Variants in RNF216 observed in about 807,000 individuals in gnomAD.
The protein encoded by RNF216 is E3 ubiquitin-protein ligase RNF216.
RNF216 carries 72 observed loss-of-function variants against 110.8 expected under a neutral mutation model. The observed-to-expected ratio is 0.65, with a 90% CI of 0.54 to 0.79. The LOEUF (loss-of-function observed/expected upper bound fraction) is 0.79. Among genes scored for constraint, RNF216 ranks in the 30% least tolerant of loss-of-function variants. The probability of loss-of-function intolerance (pLI) is 0.00; values close to 1 mark genes in which losing one functional copy is unlikely to be tolerated. For missense variants in RNF216, 1,342 were observed against 1,141.2 expected (o/e 1.18, Z -2.54); for synonymous variants, 495 against 407.5 (o/e 1.21, Z -2.59).
chr7:5,776,438 C>G (rs1292361980), intron 1 of RNF216, among the ~76,000 whole-genome samples: 3 of 147,460 alleles, frequency 2.0e-5, no homozygotes, highest in African/African-American at 7.5e-5. Context: ...AAAAAAAGCA[C>G]AAAAAAATTA....
chr7:5,781,341 C>T (rs1293400183), intron 1 of RNF216, among the ~76,000 whole-genome samples, 200 bp downstream of exon 1: 1 of 152,040 alleles, frequency 6.6e-6, no homozygotes, highest in Non-Finnish European at 1.5e-5. Context: ...GCCTCGCCAC[C>T]GCACCGGGCT....
intron 13 of RNF216, among the ~76,000 whole-genome samples, chr7:5,707,860 C>T (rs945839992): frequency 2.6e-5 from 4 of 151,714 alleles, no homozygotes; most frequent in Non-Finnish European, 4.4e-5. Context: ...CAAGTAGCTG[C>T]GATTACAGGC....
rs532161998 is a variant in RNF216 at position 5,733,927 on chromosome 7, T to G, written c.1122-3110A>C. Among the ~76,000 whole-genome samples the G allele has an allele frequency of 9.8e-5, 15 of 152,356 alleles. No homozygotes were observed. In the South Asian group the frequency reaches 3.1e-3, roughly 32 times the overall value. The stretch of plus-strand genomic sequence containing the variant: ...CAAGAAAGTTTTCATTGTAAAAATG[T>G]AGTCATTGCTGCTCAATTTTCCTAT... On this transcript the variant is annotated intron_variant, in intron 5 of 16. Transcript: ENST00000389902.
At chr7:5,765,952 C>CA (rs138328361) in intron 1 of RNF216, among the ~76,000 whole-genome samples, 15,003 of 102,262 alleles carry the variant, frequency 0.15, 1,437 homozygotes, top group African/African-American at 0.24. Context: ...GACTCTGTCT[C>CA]AAAAAAAAAA....
chr7:5,703,925 C>T (rs1792125792), intron 13 of RNF216, among the ~76,000 whole-genome samples: 1 of 152,202 alleles, frequency 6.6e-6, no homozygotes, highest in South Asian at 2.1e-4. Context: ...AACTTCTGAC[C>T]CTAAGAATAC....
rs758469380 is a variant in RNF216, at chr7:5,741,218, G to A, written c.799C>T (p.His267Tyr). The A allele has an allele frequency of 6.2e-7, 1 of 1,614,156 alleles. No individual in the cohort carries two copies. Among genetic ancestry groups the A allele is most frequent in the South Asian group, 1.1e-5 (1 of 91,080 alleles). ...EAELGRLLFQHEFPGPAFPRP... is the reference protein window; with the variant it reads ...EAELGRLLFQYEFPGPAFPRP... ...GGAAAAGCGGGCCCTGGGAATTCAT[G>A]CTGAAACAACAAGCGGCCCAGTTCT... The change falls in exon 4 of 17, where the codon CAT (histidine) becomes TAT (tyrosine). Residue 267 changes from histidine to tyrosine, a missense_variant. Physicochemically the swap from His to Tyr is moderately conservative, Grantham distance 83. Coordinates refer to ENST00000389902, the MANE Select transcript of RNF216 (RefSeq NM_207111.4).
Position 5,721,167 on chromosome 7 carries a change from T to C in RNF216, c.1510A>G (p.Ile504Val). 3 of 1,613,990 alleles carry C rather than the reference T, an allele frequency of 1.9e-6. No individual in the cohort carries two copies. The highest frequency in any genetic ancestry group is 4.5e-5 in the East Asian group (2 of 44,884). ...YIDFKFEQGD[I>V]KIEKRMFFLE... The stretch of plus-strand genomic sequence containing the variant: ...AAGAACATCCTCTTTTCTATTTTTA[T>C]GTCACCTAGAAGATATACGACAATG... The change falls in exon 9 of 17, where the codon ATA becomes GTA. Residue 504 changes from isoleucine to valine, a missense_variant. By Grantham distance (29) the Ile-to-Val change is conservative (BLOSUM62 3). Coordinates refer to ENST00000389902, the MANE Select transcript of RNF216 (RefSeq NM_207111.4).
intron 13 of RNF216, among the ~76,000 whole-genome samples, chr7:5,684,055 CTG>C (rs1790821489): frequency 7.0e-6 from 1 of 142,468 alleles, no homozygotes; most frequent in African/African-American, 2.6e-5. Flanking sequence ...AGGTACTGGT[CTG>C]TGATGGTGGG....
chr7:5,705,541 A>C (rs1792224254), intron 13 of RNF216, among the ~76,000 whole-genome samples: 2 of 152,186 alleles, frequency 1.3e-5, no homozygotes, highest in Admixed American at 1.3e-4. Flanking sequence ...CAGTAGTTCA[A>C]AACAGACTTT....
At chr7:5,766,757 C>A (rs1255742230) in intron 1 of RNF216, 1 of 152,188 alleles carries the variant, frequency 6.6e-6, no homozygotes, top group Non-Finnish European at 1.5e-5. Context: ...ACATATAGCA[C>A]AGAAAATAAT....
At chr7:5,752,434 C>G (rs553993955) in intron 3 of RNF216, among the ~76,000 whole-genome samples, 78 of 151,944 alleles carry the variant, frequency 5.1e-4, no homozygotes, top group Non-Finnish European at 9.3e-4. Context: ...TTTTGGATTA[C>G]GCAAACTGAT....
At chr7:5,697,362 A>G (rs746830827) in intron 13 of RNF216, among the ~76,000 whole-genome samples, 3 of 152,174 alleles carry the variant, frequency 2.0e-5, no homozygotes, top group African/African-American at 4.8e-5. Context: ...TGCTCAATAC[A>G]TATCTGCTGA....
chr7:5,638,545 C>T (rs1584354417), intron 15 of RNF216, among the ~76,000 whole-genome samples: 1 of 152,216 alleles, frequency 6.6e-6, no homozygotes, highest in Non-Finnish European at 1.5e-5. Context: ...TACCAGCAGC[C>T]AGGTACTATT....
chr7:5,747,898 C>A (rs1442529612), intron 3 of RNF216, among the ~76,000 whole-genome samples: 1 of 152,018 alleles, frequency 6.6e-6, no homozygotes, highest in African/African-American at 2.4e-5. Context: ...CCTGCTAGGC[C>A]TCTCAAAGGA....
rs146096829 is a variant in RNF216 at position 5,745,736 on chromosome 7, C to T, written c.202-3921G>A. Among the ~76,000 whole-genome samples the T allele has an allele frequency of 4.5e-3, 683 of 151,928 alleles. 1 individual carries two copies. The highest frequency in any genetic ancestry group is 0.015 in the African/African-American group (603 of 41,428). ...CCAACATGGTGAAACCCCATCTCTACTAAAAACACAAAAATCAGCCGGGTG... is the reference window on the plus strand; with the variant it reads ...CCAACATGGTGAAACCCCATCTCTATTAAAAACACAAAAATCAGCCGGGTG... On this transcript the variant is annotated intron_variant, in intron 3 of 16. Coordinates refer to ENST00000389902, the MANE Select transcript of RNF216 (RefSeq NM_207111.4).
chr7:5,704,383 A>C (rs146506071), intron 13 of RNF216, among the ~76,000 whole-genome samples: 1 of 152,214 alleles, frequency 6.6e-6, no homozygotes, highest in Non-Finnish European at 1.5e-5. Flanking sequence ...CATGTCTTAA[A>C]TATCAGGAAT....
At position 5,749,697 on chromosome 7, in the gene RNF216, T is replaced by A. The variant is rs78083196; in HGVS notation, c.201+3149A>T. ...GCAATTATAATCCTAAAGTGCTGTG[T>A]GTTCAAAGATGTATATGCGAAAAAT... On this transcript the variant is annotated intron_variant, in intron 3 of 16. Transcript: ENST00000389902. 7.5e-3 allele frequency among the ~76,000 whole-genome samples: 1,140 copies of A among 152,322 alleles called. 14 individuals are homozygous for A. The highest frequency in any genetic ancestry group is 0.026 in the African/African-American group (1,096 of 41,564).
At chr7:5,737,542 AT>A (rs1325173236) in intron 5 of RNF216, among the ~76,000 whole-genome samples, 3 of 148,344 alleles carry the variant, frequency 2.0e-5, no homozygotes, top group South Asian at 2.1e-4. Flanking sequence ...AATAATAATA[AT>A]AATAAATAAA....
intron 1 of RNF216, among the ~76,000 whole-genome samples, chr7:5,777,184 G>C (rs1796832891): frequency 6.6e-6 from 1 of 152,162 alleles, no homozygotes; most frequent in African/African-American, 2.4e-5. Context: ...TGTGGAAGCG[G>C]ATGCTCCAGC....
Sources: allele counts gnomAD v4.1 joint callset (sites outside exome capture counted in the v4.1 genomes callset), GRCh38; gene constraint gnomAD v4.1.1; transcripts MANE v1.5; gene names NCBI Gene and HGNC (gene_info 2026-07-23, HGNC 2026-07-21).